The following ADAMTS12 variants were observed in gnomAD, a reference collection of about 807,000 sequenced individuals.
ADAMTS12 encodes the protein ADAM metallopeptidase with thrombospondin type 1 motif 12.
ADAMTS12 carries 118 observed loss-of-function variants against 167.8 expected under a neutral mutation model. The observed-to-expected ratio is 0.70, with a 90% CI of 0.61 to 0.82. ADAMTS12 has a LOEUF of 0.82. ADAMTS12 is among the 40% of genes least tolerant of loss of function. The probability of loss-of-function intolerance (pLI) is 0.00; values close to 1 mark genes in which losing one functional copy is unlikely to be tolerated. For missense variants in ADAMTS12, 1,916 were observed against 1,998.8 expected (o/e 0.96, Z 0.79); for synonymous variants, 704 against 716.9 (o/e 0.98, Z 0.29).
chr5:33,802,524 C>T (rs578238652), intron 2 of ADAMTS12, among the ~76,000 whole-genome samples: 1 of 152,352 alleles, frequency 6.6e-6, no homozygotes, highest in South Asian at 2.1e-4. Flanking sequence ...ATGCAAACCA[C>T]TGCTAGGATG....
At chr5:33,536,346 A>G (rs1394834538) in intron 22 of ADAMTS12, among the ~76,000 whole-genome samples, 2 of 152,164 alleles carry the variant, frequency 1.3e-5, no homozygotes, top group African/African-American at 2.4e-5. Flanking sequence ...AAGTTTAGCC[A>G]TTTGTTTCCA....
chr5:33,794,753 C>T (rs1452840388), intron 2 of ADAMTS12, among the ~76,000 whole-genome samples: 1 of 152,178 alleles, frequency 6.6e-6, no homozygotes, highest in Non-Finnish European at 1.5e-5. Context: ...CTGAGGTACA[C>T]ACCTGAGTAT....
At chr5:33,890,276 G>C (rs1004853563) in intron 1 of ADAMTS12, among the ~76,000 whole-genome samples, 1 of 152,174 alleles carries the variant, frequency 6.6e-6, no homozygotes. Flanking sequence ...TGCTGCCCCA[G>C]AAGGGAGACT....
intron 14 of ADAMTS12, among the ~76,000 whole-genome samples, chr5:33,616,354 A>G (rs1739015964): frequency 6.6e-6 from 1 of 152,198 alleles, no homozygotes; most frequent in Admixed American, 6.5e-5. Context: ...TTGATCTAGC[A>G]TTTATTTTTC....
chr5:33,591,735 A>C (rs750162105), intron 17 of ADAMTS12, among the ~76,000 whole-genome samples: 3 of 152,164 alleles, frequency 2.0e-5, no homozygotes, highest in Non-Finnish European at 2.9e-5. Context: ...AGAAGGTCTC[A>C]ATCAGCAGAG....
At chr5:33,633,031 C>T (rs1740022895) in intron 12 of ADAMTS12, among the ~76,000 whole-genome samples, 2 of 151,714 alleles carry the variant, frequency 1.3e-5, no homozygotes, top group African/African-American at 4.8e-5. Context: ...CATCAAGTTG[C>T]AGAACTGGCA....
chr5:33,553,915 A>C (rs1341193446), intron 20 of ADAMTS12, among the ~76,000 whole-genome samples: 1 of 152,204 alleles, frequency 6.6e-6, no homozygotes, highest in South Asian at 2.1e-4. Context: ...ATCAAAATTC[A>C]TGGGTCTGCC....
chr5:33,646,015 G>T (rs1189005438), intron 9 of ADAMTS12, among the ~76,000 whole-genome samples: 1 of 152,154 alleles, frequency 6.6e-6, no homozygotes, highest in Non-Finnish European at 1.5e-5. Flanking sequence ...AGGCTCAAAT[G>T]ATGAGCAGAA....
intron 2 of ADAMTS12, among the ~76,000 whole-genome samples, chr5:33,814,904 C>T (rs964350262): frequency 1.3e-4 from 20 of 151,860 alleles, no homozygotes; most frequent in African/African-American, 4.6e-4. Context: ...GTGATGGAGA[C>T]AAATTCTCGA....
intron 20 of ADAMTS12, among the ~76,000 whole-genome samples, chr5:33,552,367 G>T (rs546981621): frequency 3.3e-5 from 5 of 152,060 alleles, no homozygotes; most frequent in African/African-American, 4.8e-5. Context: ...CTTCTCTAAG[G>T]CTCCATTTCT....
intron 3 of ADAMTS12, among the ~76,000 whole-genome samples, chr5:33,733,987 C>T (rs1356526483): frequency 2.8e-5 from 4 of 140,962 alleles, no homozygotes; most frequent in Non-Finnish European, 4.6e-5. Context: ...TCAAAGCCTA[C>T]ACTTCCCCAC....
chr5:33,849,174 A>AAT (rs1295105260), intron 2 of ADAMTS12, among the ~76,000 whole-genome samples: 6 of 43,860 alleles, frequency 1.4e-4, no homozygotes, highest in East Asian at 4.0e-4. Context: ...ATTGCATAGC[A>AAT]ATATATATAT....
chr5:33,683,950 CAT>C lies in ADAMTS12; in HGVS notation c.738_739del (p.Trp247GlyfsTer13). 6.2e-7 allele frequency: 1 copy of C among 1,612,788 alleles called. No individual in the cohort carries two copies. Among genetic ancestry groups the C allele is most frequent in the Non-Finnish European group, 8.5e-7 (1 of 1,179,520 alleles). On this transcript the variant is annotated frameshift_variant, in exon 4 of 24. Transcript: ENST00000504830. LOFTEE classifies it high-confidence loss of function. ...GTCGGCCACCACCAGTGTCTCCACCCATCTCTCCTTGCTGATGGAACGCCGAG... is the reference window on the plus strand; with the variant it reads ...GTCGGCCACCACCAGTGTCTCCACCCCTCTCCTTGCTGATGGAACGCCGAG...
chr5:33,847,299 T>C (rs1748980847), intron 2 of ADAMTS12, among the ~76,000 whole-genome samples: 1 of 152,112 alleles, frequency 6.6e-6, no homozygotes, highest in Admixed American at 6.6e-5. Context: ...CCAGACCACA[T>C]GTTCACTGCC....
intron 2 of ADAMTS12, among the ~76,000 whole-genome samples, chr5:33,763,530 G>T (rs567985648): frequency 6.6e-6 from 1 of 152,346 alleles, no homozygotes; most frequent in South Asian, 2.1e-4. Context: ...ATGTCACTTT[G>T]TGGTGATTTG....
intron 2 of ADAMTS12, among the ~76,000 whole-genome samples, chr5:33,804,596 A>G (rs1473607698): frequency 2.0e-5 from 3 of 152,246 alleles, no homozygotes; most frequent in Non-Finnish European, 4.4e-5. Context: ...TACACAGCCC[A>G]TCACTTCCCT....
At chr5:33,663,979 A>G (rs1026989368) in intron 5 of ADAMTS12, among the ~76,000 whole-genome samples, 1 of 152,218 alleles carries the variant, frequency 6.6e-6, no homozygotes, top group Non-Finnish European at 1.5e-5. Context: ...CCTGAAAATT[A>G]TAAAATGCTG....
rs115500703 is a variant in ADAMTS12 at position 33,804,501 on chromosome 5, C to T, written c.490-52953G>A. 4.4e-3 allele frequency among the ~76,000 whole-genome samples: 671 copies of T among 152,342 alleles called. 4 individuals carry two copies. Among genetic ancestry groups the T allele is most frequent in the East Asian group, 0.011 (57 of 5,180 alleles). On this transcript the variant is annotated intron_variant, in intron 2 of 23. Transcript: ENST00000504830. ...AGCCAGCCAGCCAACTCCCAACTGACATGCAGATGTGTGAGCAAGAATAAA... is the reference window on the plus strand; with the variant it reads ...AGCCAGCCAGCCAACTCCCAACTGATATGCAGATGTGTGAGCAAGAATAAA...
At chr5:33,670,969 C>A (rs1219370511) in intron 5 of ADAMTS12, among the ~76,000 whole-genome samples, 1 of 152,086 alleles carries the variant, frequency 6.6e-6, no homozygotes, top group African/African-American at 2.4e-5. Context: ...TCATAGAATA[C>A]CACTCAGCAA....
Sources: allele counts gnomAD v4.1 joint callset (sites outside exome capture counted in the v4.1 genomes callset), GRCh38; gene constraint gnomAD v4.1.1; transcripts MANE v1.5; gene names NCBI Gene and HGNC (gene_info 2026-07-23, HGNC 2026-07-21).